The following ZFHX3 variants were observed in gnomAD, a reference collection of about 807,000 sequenced individuals.
The protein encoded by ZFHX3 is zinc finger homeobox protein 3.
Under a neutral mutation model 279.1 loss-of-function variants are expected in ZFHX3, and 42 were observed. The ratio of observed to expected loss-of-function variants is 0.15; its 90% CI spans 0.12 to 0.19. ZFHX3 has a LOEUF of 0.19. Ranked by LOEUF, ZFHX3 falls within the 10% of genes least tolerant of loss-of-function variation. The pLI is 1.00. For missense variants in ZFHX3, 4,981 were observed against 4,754.0 expected (o/e 1.05, Z -1.40); for synonymous variants, 2,293 against 1,957.8 (o/e 1.17, Z -4.52).
chr16:73,156,941 T>C (rs1967100975), intron 5 of ZFHX3, among the ~76,000 whole-genome samples: 1 of 152,172 alleles, frequency 6.6e-6, no homozygotes, highest in Non-Finnish European at 1.5e-5. Flanking sequence ...CTCTATCTCC[T>C]GACCTCGTGA....
chr16:73,179,877 C>G (rs1967753305), intron 5 of ZFHX3, among the ~76,000 whole-genome samples: 1 of 152,132 alleles, frequency 6.6e-6, no homozygotes, highest in Admixed American at 6.6e-5. Flanking sequence ...TGACCCCTGA[C>G]CACAGCCTTG....
At position 72,797,696 on chromosome 16, in the gene ZFHX3, G is replaced by A. The variant is rs2035962329; in HGVS notation, c.4986C>T (p.Thr1662=). 2 of 1,614,148 alleles carry A rather than the reference G, an allele frequency of 1.2e-6. No individual in the cohort carries two copies. The highest frequency in any genetic ancestry group is 8.5e-7 in the Non-Finnish European group (1 of 1,180,036). Residue 1662 remains threonine, a synonymous_variant, in exon 9 of 10, where the codon ACC becomes ACT. Coordinates refer to ENST00000268489, the MANE Select transcript of ZFHX3 (RefSeq NM_006885.4). The part of the protein sequence containing the change: ...PSPVSTSGSN[T]FTTSNPSSAG... ...CACTGCTTGGATTGGAGGTGGTAAA[G>A]GTGTTACTGCCACTGGTGCTCACAG...
At chr16:73,091,024 A>G (rs1179886147) in intron 8 of ZFHX3, among the ~76,000 whole-genome samples, 1 of 151,954 alleles carries the variant, frequency 6.6e-6, no homozygotes, top group Non-Finnish European at 1.5e-5. Flanking sequence ...ATCCTGGCTA[A>G]CACGGTAAAA....
At chr16:72,800,639 G>C (rs2036068570) in intron 7 of ZFHX3, among the ~76,000 whole-genome samples, 1 of 152,172 alleles carries the variant, frequency 6.6e-6, no homozygotes, top group South Asian at 2.1e-4. Flanking sequence ...GAAAAGAAGA[G>C]AACAAAGGGA....
chr16:73,339,718 A>T (rs2015992620), intron 3 of ZFHX3, among the ~76,000 whole-genome samples: 1 of 152,158 alleles, frequency 6.6e-6, no homozygotes, highest in Non-Finnish European at 1.5e-5. Flanking sequence ...TCCTGGCAGG[A>T]TGTTCTCCTG....
Position 72,928,224 on chromosome 16 carries a change from G to GAGAGCAAGA in ZFHX3, c.3216+22244_3216+22245insTCTTGCTCT, listed in dbSNP as rs1450656078. Among the ~76,000 whole-genome samples, 53 of 144,360 alleles carry GAGAGCAAGA rather than the reference G, an allele frequency of 3.7e-4. 12 individuals are homozygous for GAGAGCAAGA. Among genetic ancestry groups the GAGAGCAAGA allele is most frequent in the African/African-American group, 1.4e-3 (52 of 38,448 alleles). 94.7% of individuals were successfully genotyped at this position (144,360 alleles called of 152,430 possible). ...AGCGAGGGGGAGCGAAGGGGAGCGAGGGGGAGCGAGAGAGGAAAGGGCTTA... is the reference window on the plus strand; with the variant it reads ...AGCGAGGGGGAGCGAAGGGGAGCGAGAGAGCAAGAGGGGAGCGAGAGAGGAAAGGGCTTA... On this transcript the variant is annotated intron_variant, in intron 3 of 9. Transcript: ENST00000268489.
chr16:73,025,714 A>T (rs1964474452), intron 1 of ZFHX3, among the ~76,000 whole-genome samples: 3 of 152,240 alleles, frequency 2.0e-5, no homozygotes, highest in Non-Finnish European at 2.9e-5. Context: ...TCAGGGCCCA[A>T]CCGAAAAAGA....
chr16:72,979,941 A>C (rs74883161), intron 1 of ZFHX3, among the ~76,000 whole-genome samples: 3,562 of 152,302 alleles, frequency 0.023, 49 homozygotes, highest in Middle Eastern at 0.037. Flanking sequence ...AAAAAAAATC[A>C]ATTGGTCAGG....
At chr16:72,965,419 G>A (rs190435509) in intron 1 of ZFHX3, among the ~76,000 whole-genome samples, 14 of 152,164 alleles carry the variant, frequency 9.2e-5, no homozygotes, top group African/African-American at 3.4e-4. Context: ...GACAAGAGAG[G>A]ATAAAGGAGG....
intron 5 of ZFHX3, among the ~76,000 whole-genome samples, chr16:73,155,180 C>CAAAA (rs780941621): frequency 9.5e-6 from 1 of 105,214 alleles, no homozygotes; most frequent in Non-Finnish European, 2.0e-5. Flanking sequence ...CTCAAAAAAA[C>CAAAA]AAAAAAAAAA....
At chr16:73,062,175 A>AT (rs1567655375), upstream of ZFHX3, 2 of 152,206 alleles carry the variant, frequency 1.3e-5, no homozygotes. Flanking sequence ...TTTTTAAGAC[A>AT]TTTACATTAG....
chr16:73,738,955 CTCT>C (rs2053630990), intron 1 of ZFHX3, among the ~76,000 whole-genome samples: 1 of 152,022 alleles, frequency 6.6e-6, no homozygotes, highest in Non-Finnish European at 1.5e-5. Flanking sequence ...ACCTCTTCTC[CTCT>C]GTGAGTCCAA....
intron 2 of ZFHX3, among the ~76,000 whole-genome samples, chr16:73,531,908 G>C (rs559770790): frequency 6.6e-6 from 1 of 151,984 alleles, no homozygotes; most frequent in African/African-American, 2.4e-5. Flanking sequence ...GGGCAACATA[G>C]TGAGACCCTG....
intron 8 of ZFHX3, among the ~76,000 whole-genome samples, chr16:73,065,556 A>G (rs924775610): frequency 2.9e-5 from 4 of 139,068 alleles, no homozygotes; most frequent in African/African-American, 1.1e-4. Flanking sequence ...GGGACGAACT[A>G]GCTTTTCCTG....
chr16:73,299,122 C>T (rs189191593), intron 4 of ZFHX3, among the ~76,000 whole-genome samples: 3 of 152,196 alleles, frequency 2.0e-5, no homozygotes, highest in East Asian at 3.9e-4. Context: ...GTTACCAGCC[C>T]CTAGAGTCAC....
chr16:73,837,373 C>T (rs138038162), intron 1 of ZFHX3, among the ~76,000 whole-genome samples: 84 of 152,332 alleles, frequency 5.5e-4, no homozygotes, highest in African/African-American at 1.8e-3. Context: ...GACTAACAGG[C>T]TGTGATCTTC....
intron 4 of ZFHX3, among the ~76,000 whole-genome samples, chr16:72,867,712 C>A (rs1394804780): frequency 1.2e-5 from 1 of 81,494 alleles, no homozygotes; most frequent in Non-Finnish European, 2.5e-5. Context: ...AGAGTAGACT[C>A]TTTGACAGGG....
chr16:73,545,421 C>T (rs2020092288), intron 2 of ZFHX3, among the ~76,000 whole-genome samples: 1 of 152,186 alleles, frequency 6.6e-6, no homozygotes, highest in Non-Finnish European at 1.5e-5. Flanking sequence ...CGCCTCCTGG[C>T]TTCGGCGTCT....
At chr16:73,586,492 AAAC>A (rs1289901221) in intron 2 of ZFHX3, among the ~76,000 whole-genome samples, 1 of 150,866 alleles carries the variant, frequency 6.6e-6, no homozygotes, top group Non-Finnish European at 1.5e-5. Context: ...TGGGAGGAAA[AAAC>A]AACCTACTAC....
Sources: gnomAD v4.1 joint callset for allele counts (sites outside exome capture counted in the v4.1 genomes callset) on GRCh38, gnomAD v4.1.1 for gene constraint, MANE v1.5 for transcripts, NCBI Gene and HGNC (gene_info 2026-07-23, HGNC 2026-07-21) for gene names.